The following SUGP1 variants were observed in gnomAD, a reference collection of about 807,000 sequenced individuals.
SUGP1 encodes the protein SURP and G-patch domain-containing protein 1.
SUGP1 carries 34 observed loss-of-function variants against 76.5 expected under a neutral mutation model. That is an observed-to-expected ratio of 0.44 (90% CI 0.34 to 0.59). The LOEUF is 0.59. SUGP1 is among the 20% of genes least tolerant of loss of function. SUGP1 has a pLI of 0.01. For missense variants in SUGP1, 752 were observed against 851.7 expected (o/e 0.88, Z 1.46); for synonymous variants, 326 against 326.2 (o/e 1.00, Z 0.01).
chr19:19,318,262 C>T (rs537243476), intron 1 of SUGP1, among the ~76,000 whole-genome samples: 5 of 151,914 alleles, frequency 3.3e-5, no homozygotes, highest in Non-Finnish European at 5.9e-5. Context: ...GGACTACAGG[C>T]ATCTGCCGCC....
chr19:19,303,271 A>T (rs2061285870), intron 6 of SUGP1, 77 bp downstream of exon 6: 1 of 1,276,340 alleles, frequency 7.8e-7, no homozygotes, highest in East Asian at 2.3e-5. Flanking sequence ...CAGCACCTCC[A>T]GGAACCCCGA....
intron 8 of SUGP1, among the ~76,000 whole-genome samples, chr19:19,296,340 G>A (rs1189665029): frequency 6.6e-6 from 1 of 151,788 alleles, no homozygotes; most frequent in Non-Finnish European, 1.5e-5. Context: ...TGGATCATCT[G>A]AGGTCAGGAG....
chr19:19,279,062 T>C (rs565598624), intron 10 of SUGP1, 151 bp downstream of exon 10: 45 of 911,046 alleles, frequency 4.9e-5, no homozygotes, highest in Admixed American at 8.5e-5. Flanking sequence ...ACTGAGCCTC[T>C]CACTCCAGGC....
chr19:19,277,575 C>T (rs1459254294), intron 12 of SUGP1, among the ~76,000 whole-genome samples, 159 bp downstream of exon 12: 1 of 152,206 alleles, frequency 6.6e-6, no homozygotes, highest in Non-Finnish European at 1.5e-5. Context: ...TGGCCTCCTG[C>T]ACTGCAGGCC....
intron 1 of SUGP1, among the ~76,000 whole-genome samples, chr19:19,319,077 C>T (rs1464974412): frequency 1.3e-5 from 2 of 152,208 alleles, no homozygotes; most frequent in East Asian, 3.9e-4. Context: ...AAAACACTGG[C>T]CAGGTGCGGT....
At chr19:19,282,913 T>TA (rs1248778262) in intron 8 of SUGP1, among the ~76,000 whole-genome samples, 3 of 151,874 alleles carry the variant, frequency 2.0e-5, no homozygotes, top group Admixed American at 6.6e-5. Context: ...CCGTCTCTAC[T>TA]AAAAATACAA....
At chr19:19,315,074 G>T (rs930028831) in intron 2 of SUGP1, among the ~76,000 whole-genome samples, 1 of 152,138 alleles carries the variant, frequency 6.6e-6, no homozygotes, top group Admixed American at 6.6e-5. Flanking sequence ...GCTCACACCT[G>T]TAATCCCTTT....
At chr19:19,312,446 T>G (rs1221777172) in intron 2 of SUGP1, among the ~76,000 whole-genome samples, 1 of 152,202 alleles carries the variant, frequency 6.6e-6, no homozygotes, top group African/African-American at 2.4e-5. Context: ...TCACATACGC[T>G]GCTTTTTAAA....
At chr19:19,310,034 G>A in intron 3 of SUGP1, 63 bp downstream of exon 3, 2 of 1,357,374 alleles carry the variant, frequency 1.5e-6, no homozygotes, top group South Asian at 1.2e-5. Context: ...CACTTCCCAT[G>A]TGCCCAGCAA....
chr19:19,281,109 G>A (rs1870333748), intron 8 of SUGP1: 1 of 152,344 alleles, frequency 6.6e-6, no homozygotes. Flanking sequence ...GCCCTGTTGG[G>A]GAGACGCAGG....
Position 19,316,015 on chromosome 19 carries a change from G to A in SUGP1, c.206+407C>T, listed in dbSNP as rs1359504780. On this transcript the variant is annotated intron_variant, in intron 2 of 13. Coordinates refer to ENST00000247001, the MANE Select transcript of SUGP1 (RefSeq NM_172231.4). ...CCCAGCTAATTTTTTGTATTTTTTA[G>A]TAGAGATGGGGTTTCACTATGTTGG... 5.9e-5 allele frequency among the ~76,000 whole-genome samples: 9 copies of A among 152,108 alleles called. No individual in the cohort carries two copies. The East Asian group carries it at 1.7e-3, about 29-fold the overall frequency.
chr19:19,308,923 A>T (rs1055121434), intron 3 of SUGP1, among the ~76,000 whole-genome samples: 3 of 151,544 alleles, frequency 2.0e-5, no homozygotes, highest in African/African-American at 7.3e-5. Context: ...CTGGAGTGCA[A>T]TGGCATGATC....
chr19:19,279,215 CT>C lies in SUGP1; in HGVS notation c.1525del (p.Arg509GlyfsTer7), dbSNP rs768919929. 1.1e-5 allele frequency: 17 copies of C among 1,603,800 alleles called. No homozygotes were observed. The highest frequency in any genetic ancestry group is 1.1e-5 in the South Asian group (1 of 89,958). On this transcript the variant is annotated frameshift_variant, in exon 10 of 14. Transcript: ENST00000247001. LOFTEE classifies it high-confidence loss of function. ...GCCCACCCCGCTGCCCCACATACCCCTGGTCTTATCCATCTCCATGCGCCGC... is the reference window on the plus strand; with the variant it reads ...GCCCACCCCGCTGCCCCACATACCCCGGTCTTATCCATCTCCATGCGCCGC... ...QLRRMEMDKT[R>X]EWAEQLTKMG... is the part of the protein sequence containing the mutation.
At chr19:19,310,844 T>C (rs2061348123) in intron 2 of SUGP1, among the ~76,000 whole-genome samples, 1 of 152,082 alleles carries the variant, frequency 6.6e-6, no homozygotes, top group African/African-American at 2.4e-5. Context: ...GGTTTCGCTA[T>C]GTTGGCTGGG....
At chr19:19,298,726 G>A (rs1159575821) in intron 7 of SUGP1, among the ~76,000 whole-genome samples, 1 of 152,198 alleles carries the variant, frequency 6.6e-6, no homozygotes, top group East Asian at 1.9e-4. Context: ...GGAGAGAAGG[G>A]AACAGTTGGT....
intron 8 of SUGP1, among the ~76,000 whole-genome samples, chr19:19,289,155 C>G (rs1177661583): frequency 6.6e-6 from 1 of 152,060 alleles, no homozygotes; most frequent in Non-Finnish European, 1.5e-5. Flanking sequence ...AGCTGTATAC[C>G]CCGTTGCTCC....
In SUGP1 at chr19:19,316,506, T is replaced by C. The variant is rs1473231211; in HGVS notation, c.122A>G (p.Gln41Arg). 6.2e-7 allele frequency: 1 copy of C among 1,614,018 alleles called. No homozygotes were observed. Among genetic ancestry groups the C allele is most frequent in the Non-Finnish European group, 8.5e-7 (1 of 1,180,024 alleles). Residue 41 changes from glutamine (Q) to arginine (R), a missense_variant, in exon 2 of 14, where the codon CAG becomes CGG. By Grantham distance (43) the Gln-to-Arg change is conservative. Transcript: ENST00000247001. ...TTTGGCTTCAATTTCCCGTTTCTTC[T>C]GAGCGATGAGCTCTTCCTGGTGAAG... ...NILHQEELIA[Q>R]KKREIEAKME... is the part of the protein sequence containing the mutation.
At chr19:19,315,103 G>C (rs556112445) in intron 2 of SUGP1, among the ~76,000 whole-genome samples, 1 of 152,288 alleles carries the variant, frequency 6.6e-6, no homozygotes, top group East Asian at 1.9e-4. Context: ...AAGGTGGGAG[G>C]ATCACTTGAG....
chr19:19,278,629 G>C, intron 11 of SUGP1, 61 bp downstream of exon 11: 1 of 1,463,058 alleles, frequency 6.8e-7, no homozygotes, highest in Non-Finnish European at 9.4e-7. Flanking sequence ...TGCAGGGTGA[G>C]GCAGCTACAG....
Sources: gnomAD v4.1 joint callset for allele counts (sites outside exome capture counted in the v4.1 genomes callset) on GRCh38, gnomAD v4.1.1 for gene constraint, MANE v1.5 for transcripts, NCBI Gene and HGNC (gene_info 2026-07-23, HGNC 2026-07-21) for gene names.